The following DACH2 variants were observed in gnomAD, a reference collection of about 807,000 sequenced individuals.
DACH2 encodes dachshund family transcription factor 2, also known as dachshund homolog 2.
Under a neutral mutation model 35.8 loss-of-function variants are expected in DACH2, and 17 were observed. The observed-to-expected ratio is 0.48, with a 90% CI of 0.33 to 0.71. The LOEUF (loss-of-function observed/expected upper bound fraction) is 0.71. DACH2 is among the 30% of genes least tolerant of loss of function. The pLI, the probability that DACH2 is intolerant of heterozygous loss-of-function variation, is 0.02. For synonymous variants in DACH2, 195 were observed against 177.3 expected, an observed-to-expected ratio of 1.10 and a Z score of -0.79; for missense variants, 469 against 472.7, an observed-to-expected ratio of 0.99 and a Z score of 0.07.
intron 1 of DACH2, among the ~76,000 whole-genome samples, chrX:86,267,551 G>T (rs1226276897): frequency 8.9e-6 from 1 of 111,827 alleles, no homozygotes; most frequent in Non-Finnish European, 1.9e-5. Flanking sequence ...AGATGGATTT[G>T]TAGGTCTTTG....
intron 3 of DACH2, among the ~76,000 whole-genome samples, chrX:86,567,023 A>G (rs1439296605): frequency 8.9e-6 from 1 of 111,836 alleles, no homozygotes; most frequent in Non-Finnish European, 1.9e-5. Flanking sequence ...ACTATATGTC[A>G]AGAAATGTGC....
At chrX:86,356,397 G>GT (rs200586983) in intron 1 of DACH2, among the ~76,000 whole-genome samples, 15,310 of 109,941 alleles carry the variant, frequency 0.14, 1,010 homozygotes, top group East Asian at 0.3. Context: ...CTATGTGTCT[G>GT]TTTTTTTTAG....
intron 1 of DACH2, among the ~76,000 whole-genome samples, chrX:86,366,900 T>A (rs1358661115): frequency 1.8e-5 from 2 of 111,156 alleles, no homozygotes; most frequent in Non-Finnish European, 3.8e-5. Flanking sequence ...GATGGCACTA[T>A]GTTTCTTGTA....
chrX:86,722,982 A>G (rs5922285), intron 6 of DACH2, among the ~76,000 whole-genome samples: 1 of 110,679 alleles, frequency 9.0e-6, no homozygotes, highest in East Asian at 2.9e-4. Context: ...GGTTATTTGT[A>G]TTAATGATTC....
At chrX:86,535,724 A>G (rs192623021) in intron 3 of DACH2, among the ~76,000 whole-genome samples, 1 of 110,473 alleles carries the variant, frequency 9.1e-6, no homozygotes, top group Admixed American at 9.7e-5. Flanking sequence ...AAAAAACGGT[A>G]GGCTTTATTG....
chrX:86,296,851 C>G (rs1467502466), intron 1 of DACH2, among the ~76,000 whole-genome samples: 1 of 109,483 alleles, frequency 9.1e-6, no homozygotes, highest in Non-Finnish European at 1.9e-5. Flanking sequence ...AGATTGTGCA[C>G]AAAACATAAA....
chrX:86,310,462 C>A (rs1251345370), intron 1 of DACH2, among the ~76,000 whole-genome samples: 3 of 111,155 alleles, frequency 2.7e-5, no homozygotes, highest in Non-Finnish European at 5.7e-5. Context: ...GGGCCTGGTT[C>A]AGACAGCTCT....
chrX:86,355,483 A>T (rs2035627799), intron 1 of DACH2, among the ~76,000 whole-genome samples: 1 of 111,908 alleles, frequency 8.9e-6, no homozygotes, highest in South Asian at 3.7e-4. Context: ...CCAATAGTGT[A>T]TAAGCATTCC....
rs142015485 is a variant in DACH2, at chrX:86,539,678, A to G, written c.640+25287A>G. On this transcript the variant is annotated intron_variant, in intron 3 of 11. Coordinates refer to ENST00000373125, the MANE Select transcript of DACH2 (RefSeq NM_053281.3). Reference sequence around the variant, plus strand: ...ATGGGGCACAAAATGAATGCTATACAACAAGCTATATGGCTCTGAGCACAT... The same window carrying G: ...ATGGGGCACAAAATGAATGCTATACGACAAGCTATATGGCTCTGAGCACAT... 2.5e-4 allele frequency among the ~76,000 whole-genome samples: 28 copies of G among 111,833 alleles called. No homozygotes were observed. In the East Asian group the frequency reaches 7.1e-3, roughly 28 times the overall value.
chrX:86,514,426 T>C (rs1198727387), intron 3 of DACH2, 35 bp downstream of exon 3: 2 of 1,120,962 alleles, frequency 1.8e-6, no homozygotes. Flanking sequence ...GCCATGTCTC[T>C]TCGTACTGCC....
At chrX:86,589,419 T>C (rs1227823248) in intron 3 of DACH2, among the ~76,000 whole-genome samples, 2 of 111,488 alleles carry the variant, frequency 1.8e-5, no homozygotes, top group Non-Finnish European at 3.8e-5. Flanking sequence ...CATTTTAAGT[T>C]TATAGAAATG....
intron 2 of DACH2, among the ~76,000 whole-genome samples, chrX:86,431,000 G>C (rs922245665): frequency 1.8e-5 from 2 of 111,924 alleles, no homozygotes; most frequent in Non-Finnish European, 1.9e-5. Flanking sequence ...TCTGTTGTGA[G>C]TGACTAAATG....
rs760148774 is a variant in DACH2, at chrX:86,259,527, TAAG to T, written c.488+110422_488+110424del. Among the ~76,000 whole-genome samples, 183 of 111,193 alleles carry T rather than the reference TAAG, an allele frequency of 1.6e-3. 1 individual carries two copies. In the Middle Eastern group the frequency reaches 0.032, roughly 20 times the overall value. ...GAACTACAGGGTGTTGAGGGGAAAA[TAAG>T]AAAGATTTGGAAACACAATGATTCA... On this transcript the variant is annotated intron_variant, in intron 1 of 11. Transcript: ENST00000373125.
rs749028643 is a variant in DACH2 at position 86,451,685 on chromosome X, A to G, written c.528-62594A>G. Among the ~76,000 whole-genome samples the G allele has an allele frequency of 6.3e-5, 7 of 111,688 alleles. No individual in the cohort carries two copies. In the South Asian group the frequency reaches 1.9e-3, roughly 30 times the overall value. On this transcript the variant is annotated intron_variant, in intron 2 of 11. Coordinates refer to ENST00000373125, the MANE Select transcript of DACH2 (RefSeq NM_053281.3). ...TTCACAATATTGATTCTTCCTATCAATGAAGATGGAAGGTTTTTCCATTTG... is the reference window on the plus strand; with the variant it reads ...TTCACAATATTGATTCTTCCTATCAGTGAAGATGGAAGGTTTTTCCATTTG...
intron 4 of DACH2, among the ~76,000 whole-genome samples, chrX:86,663,316 C>T (rs1602753253): frequency 8.9e-6 from 1 of 112,004 alleles, no homozygotes; most frequent in African/African-American, 3.2e-5. Context: ...TAACATAAGA[C>T]ACTTTCTCAG....
intron 2 of DACH2, among the ~76,000 whole-genome samples, chrX:86,504,493 T>TTTAG (rs1451884465): frequency 9.2e-6 from 1 of 108,610 alleles, no homozygotes; most frequent in Non-Finnish European, 1.9e-5. Flanking sequence ...TATTTATTTA[T>TTTAG]TTATTTATTT....
At chrX:86,418,270 C>T (rs1045318068) in intron 2 of DACH2, among the ~76,000 whole-genome samples, 1 of 111,639 alleles carries the variant, frequency 9.0e-6, no homozygotes, top group Non-Finnish European at 1.9e-5. Flanking sequence ...TGGCCCTCTT[C>T]TCACAGCTCC....
intron 3 of DACH2, among the ~76,000 whole-genome samples, chrX:86,549,364 T>C (rs1475828837): frequency 9.0e-6 from 1 of 111,367 alleles, no homozygotes; most frequent in Non-Finnish European, 1.9e-5. Context: ...AAGGCCATTA[T>C]CAAGAAATAG....
At chrX:86,417,374 C>T (rs757602659) in intron 2 of DACH2, among the ~76,000 whole-genome samples, 2 of 111,559 alleles carry the variant, frequency 1.8e-5, no homozygotes, top group Non-Finnish European at 3.8e-5. Flanking sequence ...TAAAGACATA[C>T]CTGAGATGGG....
Sources: allele counts gnomAD v4.1 joint callset (sites outside exome capture counted in the v4.1 genomes callset), GRCh38; gene constraint gnomAD v4.1.1; transcripts MANE v1.5; gene names NCBI Gene and HGNC (gene_info 2026-07-23, HGNC 2026-07-21).